Variants in ASIC2 observed in about 807,000 individuals in gnomAD.
ASIC2 encodes acid-sensing ion channel 2.
In ASIC2, 25 loss-of-function variants were observed where a neutral mutation model predicts 57.3. The ratio of observed to expected loss-of-function variants is 0.44; its 90% CI spans 0.32 to 0.61. ASIC2 has a LOEUF of 0.61. Ranked by LOEUF, ASIC2 falls within the 20% of genes least tolerant of loss-of-function variation. The probability of loss-of-function intolerance (pLI) is 0.06; values close to 1 mark genes in which losing one functional copy is unlikely to be tolerated. For synonymous variants in ASIC2, 319 were observed against 307.5 expected, an observed-to-expected ratio of 1.04 and a Z score of -0.39; for missense variants, 641 against 738.1, an observed-to-expected ratio of 0.87 and a Z score of 1.52.
At chr17:34,087,055 G>A (rs892626181) in intron 1 of ASIC2, among the ~76,000 whole-genome samples, 47 of 151,446 alleles carry the variant, frequency 3.1e-4, no homozygotes, top group South Asian at 6.2e-4. Flanking sequence ...AGTTAATATC[G>A]TTCTGTGTGA....
chr17:33,228,645 C>T (rs1907976013), intron 1 of ASIC2, among the ~76,000 whole-genome samples: 1 of 152,260 alleles, frequency 6.6e-6, no homozygotes, highest in Non-Finnish European at 1.5e-5. Flanking sequence ...GTGTATCACT[C>T]GGAAGAGAGT....
At position 33,291,468 on chromosome 17, in the gene ASIC2, C is replaced by T; in HGVS notation, c.648G>A (p.Glu216=). Residue 216 remains glutamate (E), a synonymous_variant, in exon 1 of 10, where the codon GAG becomes GAA. Transcript: ENST00000225823. The part of the protein sequence containing the change: ...AFMDRLGHQL[E]DMLLSCKYRG... ...GGTACTTGCAGGAGAGCAGCATGTC[C>T]TCCAGCTGGTGGCCCAGGCGGTCCA... The T allele has an allele frequency of 6.8e-6, 11 of 1,612,292 alleles. No individual in the cohort carries two copies. The highest frequency in any genetic ancestry group is 8.5e-6 in the Non-Finnish European group (10 of 1,179,642).
intron 1 of ASIC2, among the ~76,000 whole-genome samples, chr17:34,136,808 CT>C (rs1912138106): frequency 6.6e-6 from 1 of 152,136 alleles, no homozygotes. Context: ...GAGAGTTTGG[CT>C]TTTTTCATCA....
chr17:33,246,809 G>A (rs576926586), intron 1 of ASIC2, among the ~76,000 whole-genome samples: 72 of 152,334 alleles, frequency 4.7e-4, no homozygotes, highest in South Asian at 1.0e-3. Flanking sequence ...GGCTTAGAGT[G>A]CATTAGGGAC....
At chr17:33,772,004 GC>G (rs1284355157) in intron 1 of ASIC2, among the ~76,000 whole-genome samples, 1 of 152,128 alleles carries the variant, frequency 6.6e-6, no homozygotes, top group African/African-American at 2.4e-5. Flanking sequence ...AGAAGCAGAA[GC>G]TTTTCTCTGG....
intron 3 of ASIC2, among the ~76,000 whole-genome samples, chr17:33,071,951 TTC>T (rs2092070927): frequency 6.6e-6 from 1 of 152,214 alleles, no homozygotes; most frequent in Non-Finnish European, 1.5e-5. Flanking sequence ...TCTCAAATCA[TTC>T]TTTCTCTGGT....
chr17:34,068,813 G>A lies in ASIC2; in HGVS notation c.555+87165C>T, dbSNP rs1337289398. Among the ~76,000 whole-genome samples, 5 of 152,232 alleles carry A rather than the reference G, an allele frequency of 3.3e-5. 1 individual carries two copies. Among genetic ancestry groups the A allele is most frequent in the South Asian group, 4.1e-4 (2 of 4,834 alleles). The stretch of plus-strand genomic sequence containing the variant: ...TGGACTTTCATGAGTTGGCTGTCCA[G>A]TGGGCCCTCAGGGGAGCAGGTGGTG... On this transcript the variant is annotated intron_variant, in intron 1 of 9. Coordinates refer to the ASIC2 transcript ENST00000359872.
chr17:34,067,874 T>C (rs564180157), intron 1 of ASIC2, among the ~76,000 whole-genome samples: 1 of 152,330 alleles, frequency 6.6e-6, no homozygotes, highest in South Asian at 2.1e-4. Context: ...TAGCAATATA[T>C]AGATACACAG....
intron 1 of ASIC2, among the ~76,000 whole-genome samples, chr17:33,850,371 G>A (rs544342574): frequency 6.9e-4 from 105 of 152,252 alleles, no homozygotes; most frequent in African/African-American, 2.5e-3. Flanking sequence ...TATCCTATTT[G>A]CTATCATTTC....
rs554388908 is a variant in ASIC2, at chr17:33,129,365, G to T, written c.709-17298C>A. Among the ~76,000 whole-genome samples, 11 of 152,292 alleles carry T rather than the reference G, an allele frequency of 7.2e-5. No individual in the cohort carries two copies. The East Asian group carries it at 1.9e-3, about 27-fold the overall frequency. ...AAAGAAATGGCTGCAGGAACTAGGGGTATTTAGAATAGAAAATAGCCGATT... is the reference window on the plus strand; with the variant it reads ...AAAGAAATGGCTGCAGGAACTAGGGTTATTTAGAATAGAAAATAGCCGATT... On this transcript the variant is annotated intron_variant, in intron 1 of 9. Coordinates refer to ENST00000225823, the MANE Select transcript of ASIC2 (RefSeq NM_183377.2).
intron 1 of ASIC2, among the ~76,000 whole-genome samples, chr17:34,099,131 AGAGAGAGAGAGAGAC>A (rs1910671480): frequency 8.3e-5 from 2 of 24,102 alleles, no homozygotes; most frequent in African/African-American, 2.3e-4. Context: ...AGAGAGAGAG[AGAGAGAGAGAGAGAC>A]AGAGAGAGAG....
intron 1 of ASIC2, among the ~76,000 whole-genome samples, chr17:33,497,323 C>T (rs73983914): frequency 2.0e-5 from 3 of 152,204 alleles, no homozygotes; most frequent in Non-Finnish European, 4.4e-5. Context: ...GGAGAAAGGG[C>T]CCATAGGGCT....
At chr17:33,679,368 A>G (rs187119820) in intron 1 of ASIC2, among the ~76,000 whole-genome samples, 43 of 152,358 alleles carry the variant, frequency 2.8e-4, no homozygotes, top group Admixed American at 2.6e-3. Flanking sequence ...GAGGAAGCAC[A>G]GTTTATTAAT....
chr17:33,452,723 T>C (rs998255836), intron 1 of ASIC2, among the ~76,000 whole-genome samples: 1 of 143,526 alleles, frequency 7.0e-6, no homozygotes, highest in Non-Finnish European at 1.5e-5. Context: ...GTTTTCTTTG[T>C]TTGGAACAGA....
At chr17:33,194,925 A>G (rs1906565615) in intron 1 of ASIC2, among the ~76,000 whole-genome samples, 1 of 152,214 alleles carries the variant, frequency 6.6e-6, no homozygotes. Flanking sequence ...CTTTGGGGAA[A>G]GACAACAAGT....
chr17:33,791,089 A>G (rs1167667917), intron 1 of ASIC2, among the ~76,000 whole-genome samples: 1 of 152,112 alleles, frequency 6.6e-6, no homozygotes, highest in Non-Finnish European at 1.5e-5. Context: ...CCCTCATGCT[A>G]CGTGAGGGAA....
rs576794923 is a variant in ASIC2, at chr17:33,579,604, G to A, written c.556-467537C>T. Among the ~76,000 whole-genome samples the A allele has an allele frequency of 9.2e-5, 14 of 151,904 alleles. No homozygotes were observed. The South Asian group carries it at 2.7e-3, about 29-fold the overall frequency. ...ACAGCTCTTAAAGATGGTGTGTCGG[G>A]AGTTTGTTCCTTCAGGTGTTCAGCT... On this transcript the variant is annotated intron_variant, in intron 1 of 9. Transcript: ENST00000359872.
At position 33,021,206 on chromosome 17, in the gene ASIC2, G is replaced by T; in HGVS notation, c.1441+13C>A. ...ATGAGATGTGGAAATTTGTGCAATAGACACTGACTTACCAAGTAAGGCAGC... is the reference window on the plus strand; with the variant it reads ...ATGAGATGTGGAAATTTGTGCAATATACACTGACTTACCAAGTAAGGCAGC... On this transcript the variant is annotated intron_variant, in intron 7 of 9. Transcript: ENST00000225823. 1 of 1,036,554 alleles carries T rather than the reference G, an allele frequency of 9.6e-7. No homozygotes were observed. The allele number at this position is 1,036,554 out of a possible 1,614,324, so 64.2% of individuals were successfully genotyped here.
intron 1 of ASIC2, among the ~76,000 whole-genome samples, chr17:34,000,538 C>A (rs1300638588): frequency 6.6e-6 from 1 of 152,152 alleles, no homozygotes; most frequent in East Asian, 1.9e-4. Flanking sequence ...CAGGTGTGAG[C>A]CACCACACCC....
Sources: gnomAD v4.1 joint callset for allele counts (sites outside exome capture counted in the v4.1 genomes callset) on GRCh38, gnomAD v4.1.1 for gene constraint, MANE v1.5 for transcripts, NCBI Gene and HGNC (gene_info 2026-07-23, HGNC 2026-07-21) for gene names.